Variants in ZMYM4 observed in about 807,000 individuals in gnomAD.
The protein encoded by ZMYM4 is zinc finger MYM-type containing 4, also known as zinc finger MYM-type protein 4.
A neutral mutation model predicts 183.2 loss-of-function variants in ZMYM4; 31 were observed. The observed-to-expected ratio is 0.17, with a 90% CI of 0.13 to 0.23. The LOEUF (loss-of-function observed/expected upper bound fraction) is 0.23, where lower values mean the gene tolerates loss of function less well. Ranked by LOEUF, ZMYM4 falls within the 10% of genes least tolerant of loss-of-function variation. The probability of loss-of-function intolerance (pLI) is 1.00; values close to 1 mark genes in which losing one functional copy is unlikely to be tolerated. For synonymous variants in ZMYM4, 592 were observed against 631.2 expected (o/e 0.94, Z 0.93); for missense variants, 1,273 against 1,840.3 (o/e 0.69, Z 5.64).
At chr1:35,379,048 A>G (rs556933659) in intron 7 of ZMYM4, among the ~76,000 whole-genome samples, 10 of 152,214 alleles carry the variant, frequency 6.6e-5, no homozygotes, top group South Asian at 2.1e-4. Context: ...TTGATCTTCT[A>G]TCTAGACCAC....
chr1:35,338,157 A>G (rs546265586), intron 2 of ZMYM4, among the ~76,000 whole-genome samples: 1 of 152,276 alleles, frequency 6.6e-6, no homozygotes, highest in East Asian at 1.9e-4. Context: ...TTTGACATGC[A>G]GGCATAGTTT....
intron 29 of ZMYM4, among the ~76,000 whole-genome samples, chr1:35,418,967 A>AT (rs1198351729): frequency 6.6e-6 from 1 of 152,150 alleles, no homozygotes; most frequent in African/African-American, 2.4e-5. Flanking sequence ...GAACTTTATG[A>AT]TTTTAGAGTT....
At chr1:35,357,778 C>T (rs1376312236) in intron 2 of ZMYM4, among the ~76,000 whole-genome samples, 1 of 151,988 alleles carries the variant, frequency 6.6e-6, no homozygotes, top group African/African-American at 2.4e-5. Flanking sequence ...TATAGACATC[C>T]GAAATCTTAT....
chr1:35,329,401 A>G (rs2148829069), intron 2 of ZMYM4, among the ~76,000 whole-genome samples: 1 of 152,332 alleles, frequency 6.6e-6, no homozygotes, highest in East Asian at 1.9e-4. Flanking sequence ...GAAGTTTTAA[A>G]GAAGTTGAAA....
At chr1:35,404,149 C>T (rs989825091) in intron 23 of ZMYM4, among the ~76,000 whole-genome samples, 4 of 152,204 alleles carry the variant, frequency 2.6e-5, no homozygotes, top group African/African-American at 9.7e-5. Context: ...GCTGCAACCT[C>T]AACCTCCTGG....
In ZMYM4 at chr1:35,415,619, C is replaced by T; in HGVS notation, c.4214C>T (p.Ala1405Val). ...NVTEHLKLSF[A>V]HVMRRTRTLK... ...ACTGAGCACTTGAAGCTTTCCTTTG[C>T]CCATGTGATGAGACGGACCAGGACT... The change falls in exon 28 of 30, where the codon GCC becomes GTC. Residue 1405 changes from alanine (A) to valine (V), a missense_variant. Physicochemically the swap from Ala to Val is moderately conservative, Grantham distance 64. Transcript: ENST00000314607. 6.2e-7 allele frequency: 1 copy of T among 1,614,130 alleles called. No individual in the cohort carries two copies. The highest frequency in any genetic ancestry group is 8.5e-7 in the Non-Finnish European group (1 of 1,180,028).
chr1:35,398,085 C>CTA (rs1644841050), intron 20 of ZMYM4, among the ~76,000 whole-genome samples: 1 of 152,094 alleles, frequency 6.6e-6, no homozygotes. Context: ...GGAGGGGGTA[C>CTA]TATGTATCTC....
chr1:35,378,495 A>G (rs1460801010), intron 7 of ZMYM4, among the ~76,000 whole-genome samples: 1 of 152,232 alleles, frequency 6.6e-6, no homozygotes, highest in African/African-American at 2.4e-5. Context: ...GTAAGCAGGT[A>G]TGAAAGTAAC....
chr1:35,287,917 A>G (rs1640585616), intron 1 of ZMYM4, among the ~76,000 whole-genome samples: 1 of 151,966 alleles, frequency 6.6e-6, no homozygotes, highest in Non-Finnish European at 1.5e-5. Flanking sequence ...TTTTATTTTT[A>G]TTTTAGAGAC....
Position 35,411,303 on chromosome 1 carries a change from G to A in ZMYM4, c.3949-2669G>A, listed in dbSNP as rs371233639. 4.1e-3 allele frequency among the ~76,000 whole-genome samples: 615 copies of A among 150,718 alleles called. 3 individuals carry two copies. The highest frequency in any genetic ancestry group is 4.8e-3 in the Non-Finnish European group (325 of 67,782). ...CGAGTAGCTGGGATTACAGGCGCCC[G>A]CCACTATGCCCGGCTAATTTTTTTT... is the stretch of plus-strand genomic sequence containing the variant. On this transcript the variant is annotated intron_variant, in intron 26 of 29. Transcript: ENST00000314607.
intron 5 of ZMYM4, among the ~76,000 whole-genome samples, chr1:35,365,417 A>G (rs1418393939): frequency 6.6e-6 from 1 of 152,062 alleles, no homozygotes; most frequent in Admixed American, 6.5e-5. Context: ...TAAATACTAC[A>G]TTAAAGTCAT....
chr1:35,285,061 C>T (rs1044928701), intron 1 of ZMYM4, among the ~76,000 whole-genome samples: 15 of 151,990 alleles, frequency 9.9e-5, no homozygotes, highest in Non-Finnish European at 1.8e-4. Context: ...TGTGTCAGTA[C>T]TACACTGTTT....
chr1:35,340,777 CCTG>C, intron 2 of ZMYM4, among the ~76,000 whole-genome samples: 1 of 152,246 alleles, frequency 6.6e-6, no homozygotes, highest in South Asian at 2.1e-4. Context: ...ATGCTGACCT[CCTG>C]CTGTGAGGCC....
intron 2 of ZMYM4, among the ~76,000 whole-genome samples, chr1:35,356,730 G>C (rs567269925): frequency 1.3e-5 from 2 of 152,176 alleles, no homozygotes; most frequent in South Asian, 2.1e-4. Context: ...CCACAGAGTG[G>C]TTTCCTAATA....
At chr1:35,405,569 T>C in intron 25 of ZMYM4, 101 bp downstream of exon 25, 1 of 963,810 alleles carries the variant, frequency 1.0e-6, no homozygotes, top group Non-Finnish European at 1.5e-6. Flanking sequence ...ATTTAGAGTA[T>C]TAAGGTTAGA....
At chr1:35,300,132 A>G (rs1034235787) in intron 1 of ZMYM4, among the ~76,000 whole-genome samples, 1 of 151,646 alleles carries the variant, frequency 6.6e-6, no homozygotes, top group African/African-American at 2.4e-5. Flanking sequence ...CCACATAGAA[A>G]AAGAGTGGGG....
At chr1:35,301,317 C>CGG (rs1370964153) in intron 1 of ZMYM4, among the ~76,000 whole-genome samples, 1 of 151,996 alleles carries the variant, frequency 6.6e-6, no homozygotes, top group African/African-American at 2.4e-5. Flanking sequence ...GAGGCCAAGG[C>CGG]GGGCGGATCA....
chr1:35,356,494 A>G (rs1643823918), intron 2 of ZMYM4, among the ~76,000 whole-genome samples: 1 of 152,212 alleles, frequency 6.6e-6, no homozygotes, highest in Admixed American at 6.5e-5. Flanking sequence ...TATTTTAGAA[A>G]GTATAGACAA....
chr1:35,412,844 A>G (rs1190927095), intron 26 of ZMYM4, among the ~76,000 whole-genome samples: 1 of 152,162 alleles, frequency 6.6e-6, no homozygotes, highest in Non-Finnish European at 1.5e-5. Flanking sequence ...TTTGTTAGCC[A>G]GAATAAATTT....
Sources: gnomAD v4.1 joint callset for allele counts (sites outside exome capture counted in the v4.1 genomes callset) on GRCh38, gnomAD v4.1.1 for gene constraint, MANE v1.5 for transcripts, NCBI Gene and HGNC (gene_info 2026-07-23, HGNC 2026-07-21) for gene names.